Variants in PTPRD observed in about 807,000 individuals in gnomAD.
PTPRD encodes the protein protein tyrosine phosphatase receptor type D.
A neutral mutation model predicts 214.5 loss-of-function variants in PTPRD; 34 were observed. That is an observed-to-expected ratio of 0.16 (90% CI 0.12 to 0.21). The LOEUF is 0.21. PTPRD is among the 10% of genes least tolerant of loss of function. The pLI is 1.00. For missense variants in PTPRD, 2,545 were observed against 2,398.7 expected, an observed-to-expected ratio of 1.06 and a Z score of -1.27; for synonymous variants, 1,128 against 845.7, an observed-to-expected ratio of 1.33 and a Z score of -5.79.
At chr9:9,169,029 C>G (rs936532928) in intron 10 of PTPRD, among the ~76,000 whole-genome samples, 1 of 151,726 alleles carries the variant, frequency 6.6e-6, no homozygotes, top group Non-Finnish European at 1.5e-5. Context: ...ATAGAAATAA[C>G]CACTGGGTGC....
chr9:9,859,772 C>G (rs1570594), intron 5 of PTPRD, among the ~76,000 whole-genome samples: 1 of 152,034 alleles, frequency 6.6e-6, no homozygotes, highest in African/African-American at 2.4e-5. Context: ...CTCTGGAATA[C>G]GGTATCCTTA....
intron 11 of PTPRD, among the ~76,000 whole-genome samples, chr9:8,838,621 T>G (rs1245137720): frequency 6.6e-6 from 1 of 152,174 alleles, no homozygotes; most frequent in African/African-American, 2.4e-5. Context: ...GACAGATTTT[T>G]TTTTTACATT....
chr9:9,943,780 G>T (rs138652002), intron 4 of PTPRD, among the ~76,000 whole-genome samples: 4 of 152,208 alleles, frequency 2.6e-5, no homozygotes, highest in East Asian at 1.9e-4. Context: ...AGCATGCTTG[G>T]TAAGTACAGT....
chr9:8,976,250 G>T (rs1297728881), intron 11 of PTPRD, among the ~76,000 whole-genome samples: 1 of 151,876 alleles, frequency 6.6e-6, no homozygotes, highest in Non-Finnish European at 1.5e-5. Flanking sequence ...TGTTAGTTTT[G>T]AATCTTTCTC....
intron 5 of PTPRD, among the ~76,000 whole-genome samples, chr9:9,779,189 T>A (rs76588836): frequency 6.8e-6 from 1 of 146,868 alleles, no homozygotes. Context: ...CCTTTCACCA[T>A]ATACAAAAAT....
chr9:10,122,585 C>T (rs766485426), intron 3 of PTPRD, among the ~76,000 whole-genome samples: 1 of 152,008 alleles, frequency 6.6e-6, no homozygotes, highest in Non-Finnish European at 1.5e-5. Flanking sequence ...GCCTACTGAA[C>T]GTAAGTATAT....
intron 7 of PTPRD, among the ~76,000 whole-genome samples, chr9:9,673,147 T>C (rs1389484156): frequency 1.3e-5 from 2 of 152,008 alleles, no homozygotes; most frequent in African/African-American, 4.8e-5. Flanking sequence ...ATTACCCTTT[T>C]TATCACACAT....
intron 35 of PTPRD, among the ~76,000 whole-genome samples, chr9:8,410,663 T>C (rs77562470): frequency 0.012 from 1,848 of 152,272 alleles, 52 homozygotes; most frequent in African/African-American, 0.042. Context: ...ACCACACTCA[T>C]TGAAGTCATC....
intron 7 of PTPRD, among the ~76,000 whole-genome samples, chr9:9,593,330 CAGA>C (rs910434935): frequency 1.2e-4 from 18 of 147,400 alleles, no homozygotes; most frequent in African/African-American, 4.3e-4. Flanking sequence ...TTCTTTATTG[CAGA>C]AGGAGTAAGA....
intron 44 of PTPRD, among the ~76,000 whole-genome samples, chr9:8,321,456 C>G (rs1260658843): frequency 6.9e-5 from 6 of 86,374 alleles, no homozygotes; most frequent in African/African-American, 2.9e-4. Context: ...ATATAGAAGT[C>G]TTCTTTGTGT....
At chr9:8,843,090 C>T (rs1476769397) in intron 11 of PTPRD, among the ~76,000 whole-genome samples, 1 of 152,178 alleles carries the variant, frequency 6.6e-6, no homozygotes, top group Non-Finnish European at 1.5e-5. Context: ...TAATTCCTCC[C>T]ATACAGCTAT....
chr9:9,787,468 A>C (rs1180836898), intron 5 of PTPRD, among the ~76,000 whole-genome samples: 1 of 151,424 alleles, frequency 6.6e-6, no homozygotes, highest in East Asian at 1.9e-4. Context: ...AAATTTAATT[A>C]ATGTTACTTT....
At chr9:9,868,819 T>C (rs547256127) in intron 5 of PTPRD, among the ~76,000 whole-genome samples, 5 of 151,274 alleles carry the variant, frequency 3.3e-5, no homozygotes, top group Non-Finnish European at 7.4e-5. Context: ...ATTAAATCTC[T>C]CATCTACAAC....
intron 6 of PTPRD, among the ~76,000 whole-genome samples, chr9:9,741,528 C>T (rs558836396): frequency 5.1e-4 from 78 of 152,158 alleles, no homozygotes; most frequent in Non-Finnish European, 9.4e-4. Flanking sequence ...CATAGGTATA[C>T]ATGTGCCATG....
intron 3 of PTPRD, among the ~76,000 whole-genome samples, chr9:10,306,295 G>A (rs756296139): frequency 2.0e-5 from 3 of 151,756 alleles, no homozygotes; most frequent in Non-Finnish European, 2.9e-5. Context: ...GCTAGGGGAG[G>A]GATAGCATTA....
intron 3 of PTPRD, among the ~76,000 whole-genome samples, chr9:10,296,713 T>C (rs1451822475): frequency 3.9e-5 from 6 of 152,072 alleles, no homozygotes; most frequent in Non-Finnish European, 5.9e-5. Context: ...ACCTCAGGTA[T>C]CTGGGAGTGA....
chr9:9,839,419 G>A (rs1011532004), intron 5 of PTPRD, among the ~76,000 whole-genome samples: 1 of 152,282 alleles, frequency 6.6e-6, no homozygotes. Flanking sequence ...CAGACAAACA[G>A]AGAGGGAAAT....
chr9:9,697,780 G>A (rs1352561163), intron 7 of PTPRD, among the ~76,000 whole-genome samples: 3 of 152,068 alleles, frequency 2.0e-5, no homozygotes, highest in Admixed American at 6.6e-5. Flanking sequence ...CAACTTCCTC[G>A]AACACAAATA....
chr9:9,670,397 G>T (rs2096804855), intron 7 of PTPRD, among the ~76,000 whole-genome samples: 1 of 152,166 alleles, frequency 6.6e-6, no homozygotes, highest in African/African-American at 2.4e-5. Context: ...AAAATTTCCA[G>T]CCTGGCAAAG....
Sources: allele counts gnomAD v4.1 joint callset (sites outside exome capture counted in the v4.1 genomes callset), GRCh38; gene constraint gnomAD v4.1.1; transcripts MANE v1.5; gene names NCBI Gene and HGNC (gene_info 2026-07-23, HGNC 2026-07-21).